Variants in UBE2O observed in about 807,000 individuals in gnomAD.
UBE2O encodes the protein (E3-independent) E2 ubiquitin-conjugating enzyme.
In UBE2O, 15 loss-of-function variants were observed where a neutral mutation model predicts 125.8. That is an observed-to-expected ratio of 0.12 (90% CI 0.08 to 0.18). The LOEUF (loss-of-function observed/expected upper bound fraction) is 0.18, where lower values mean the gene tolerates loss of function less well. Among genes scored for constraint, UBE2O ranks in the 10% least tolerant of loss-of-function variants. The probability of loss-of-function intolerance (pLI) is 1.00; values close to 1 mark genes in which losing one functional copy is unlikely to be tolerated. For synonymous variants in UBE2O, 708 were observed against 703.2 expected (o/e 1.01, Z -0.11); for missense variants, 1,280 against 1,723.6 (o/e 0.74, Z 4.56).
Position 76,443,938 on chromosome 17 carries a change from C to T in UBE2O, c.417+8787G>A, listed in dbSNP as rs755027709. ...GGAAATACCGTTAAGAGGGCATGGT[C>T]GGCCAGGCGCGGTAGCTCATGCCTG... On this transcript the variant is annotated intron_variant, in intron 1 of 17. Transcript: ENST00000319380. Among the ~76,000 whole-genome samples, 6 of 152,086 alleles carry T rather than the reference C, an allele frequency of 3.9e-5. No homozygotes were observed. The South Asian group carries it at 6.2e-4, about 16-fold the overall frequency.
chr17:76,390,660 A>C lies in UBE2O; in HGVS notation c.*283T>G. 3.0e-6 allele frequency: 1 copy of C among 332,164 alleles called. No individual in the cohort carries two copies. The highest frequency in any genetic ancestry group is 5.2e-5 in the South Asian group (1 of 19,162). The allele number at this position is 332,164 out of a possible 1,614,324, so 20.6% of individuals were successfully genotyped here. A position where few individuals can be genotyped will look rare whatever the true frequency, so the allele number is the denominator to read the frequency against. ...ACCTGAGAAGGGGCAGCAAGGGAGC[A>C]AGTGCCGGACATTCTGCTGGGGTGA... On this transcript the variant is annotated 3_prime_UTR_variant, in exon 18 of 18. Transcript: ENST00000319380.
chr17:76,423,417 G>C lies in UBE2O; in HGVS notation c.418-17845C>G, dbSNP rs553857141. 2.0e-5 allele frequency among the ~76,000 whole-genome samples: 3 copies of C among 151,200 alleles called. No individual in the cohort carries two copies. In the South Asian group the frequency reaches 6.3e-4, roughly 32 times the overall value. ...ACAGTAAAAATAAAAATGAGGGCCC[G>C]GCGTGGTGGCTCATGCCTGTAATCC... On this transcript the variant is annotated intron_variant, in intron 1 of 17. Coordinates refer to ENST00000319380, the MANE Select transcript of UBE2O (RefSeq NM_022066.4).
chr17:76,414,122 G>A (rs1194544047), intron 1 of UBE2O, among the ~76,000 whole-genome samples: 1 of 152,206 alleles, frequency 6.6e-6, no homozygotes, highest in African/African-American at 2.4e-5. Flanking sequence ...CAAATGGCCA[G>A]GGGGCCTCAC....
At chr17:76,393,981 AAAAT>A (rs950575941) in intron 15 of UBE2O, among the ~76,000 whole-genome samples, 12 of 152,210 alleles carry the variant, frequency 7.9e-5, no homozygotes, top group African/African-American at 2.9e-4. Flanking sequence ...AACAAAACAA[AAAAT>A]ACTGTTTCCA....
Position 76,402,503 on chromosome 17 carries a change from C to T in UBE2O, c.686+99G>A. On this transcript the variant is annotated intron_variant, in intron 4 of 17. Transcript: ENST00000319380. The surrounding 1 kb of genome is among the most constrained non-coding windows in gnomAD (Gnocchi z 5.4). Reference sequence around the variant, plus strand: ...ACATCTGTCACTGCCCTTGATCAAACCTGTCATCACTGTCCCCAGGAGGAA... The same window carrying T: ...ACATCTGTCACTGCCCTTGATCAAATCTGTCATCACTGTCCCCAGGAGGAA... The T allele has an allele frequency of 9.6e-7, 1 of 1,044,244 alleles. No homozygotes were observed. Among genetic ancestry groups the T allele is most frequent in the Non-Finnish European group, 1.5e-6 (1 of 670,778 alleles). The allele number at this position is 1,044,244 out of a possible 1,614,324, so 64.7% of individuals were successfully genotyped here.
At chr17:76,403,002 C>A (rs1416057151) in intron 3 of UBE2O, among the ~76,000 whole-genome samples, 1 of 152,136 alleles carries the variant, frequency 6.6e-6, no homozygotes, top group Admixed American at 6.5e-5. Context: ...CATGGGACAT[C>A]CATGGACACA....
intron 1 of UBE2O, among the ~76,000 whole-genome samples, chr17:76,409,351 T>C (rs1033228795): frequency 6.6e-6 from 1 of 151,672 alleles, no homozygotes; most frequent in African/African-American, 2.4e-5. Flanking sequence ...ATGCTAACAG[T>C]GTCTCTAAGC....
Position 76,397,713 on chromosome 17 carries a change from G to A in UBE2O, c.2115+86C>T, listed in dbSNP as rs1406763858. On this transcript the variant is annotated intron_variant, in intron 13 of 17. Transcript: ENST00000319380. ...GAGATCTCACCAGGAAGACCTGAGAGCCCATCTTCTGGCTACACGCCTGTG... is the reference window on the plus strand; with the variant it reads ...GAGATCTCACCAGGAAGACCTGAGAACCCATCTTCTGGCTACACGCCTGTG... The A allele has an allele frequency of 5.5e-6, 7 of 1,280,256 alleles. 1 individual carries two copies. Among genetic ancestry groups the A allele is most frequent in the Non-Finnish European group, 5.7e-6 (5 of 880,406 alleles). The allele number at this position is 1,280,256 out of a possible 1,614,324, so 79.3% of individuals were successfully genotyped here. A position where few individuals can be genotyped will look rare whatever the true frequency, so the allele number is the denominator to read the frequency against.
In UBE2O at chr17:76,391,136, G is replaced by A. The variant is rs764961456; in HGVS notation, c.3686C>T (p.Pro1229Leu). The part of the protein sequence containing the change: ...TSETAPDASV[P>L]PSVKPKKRRK... ...CCGCTTCTTTGGTTTCACACTGGGT[G>A]GCACCGATGCGTCTGGTGCGGTCTC... The change falls in exon 18 of 18, where the codon CCA becomes CTA. Residue 1229 changes from proline to leucine, a missense_variant. Pro to Leu is a moderately conservative substitution (Grantham distance 98). Coordinates refer to ENST00000319380, the MANE Select transcript of UBE2O (RefSeq NM_022066.4). This position sits in a 1 kb window ranked among gnomAD's most constrained non-coding sequence, Gnocchi z 8.4. The A allele has an allele frequency of 6.2e-7, 1 of 1,614,060 alleles. No individual in the cohort carries two copies. The highest frequency in any genetic ancestry group is 1.1e-5 in the South Asian group (1 of 91,058).
Position 76,404,331 on chromosome 17 carries a change from G to A in UBE2O, c.588+875C>T, listed in dbSNP as rs1350522548. 6.6e-6 allele frequency among the ~76,000 whole-genome samples: 1 copy of A among 152,222 alleles called. No individual in the cohort carries two copies. Among genetic ancestry groups the A allele is most frequent in the African/African-American group, 2.4e-5 (1 of 41,456 alleles). On this transcript the variant is annotated intron_variant, in intron 3 of 17. Transcript: ENST00000319380. The surrounding 1 kb of genome is among the most constrained non-coding windows in gnomAD (Gnocchi z 4.3). ...ACAACCCCAGCACTTTGGCTATGGG[G>A]TACCATGAACCAGGGCAGAGCTCTG...
intron 13 of UBE2O, among the ~76,000 whole-genome samples, chr17:76,397,212 C>G (rs565298849): frequency 1.7e-4 from 26 of 152,326 alleles, no homozygotes; most frequent in Admixed American, 1.4e-3. Context: ...GAACATATGA[C>G]AAGAGGGGAC....
At chr17:76,403,794 A>T (rs1158097060) in intron 3 of UBE2O, among the ~76,000 whole-genome samples, 1 of 152,180 alleles carries the variant, frequency 6.6e-6, no homozygotes, top group African/African-American at 2.4e-5. Context: ...GATCACAAAA[A>T]GTACAAGATG....
intron 1 of UBE2O, among the ~76,000 whole-genome samples, chr17:76,447,642 A>C (rs1201814495): frequency 6.6e-6 from 1 of 152,210 alleles, no homozygotes; most frequent in South Asian, 2.1e-4. Flanking sequence ...AATTTCTCAC[A>C]AAGTAACAGA....
In UBE2O at chr17:76,410,761, A is replaced by G. The variant is rs2072501630; in HGVS notation, c.418-5189T>C. Reference sequence around the variant, plus strand: ...CTCACCGGGGGCCTCTCCTGCCAGGAGCACTCTCCCTCCACGGCTGCCTGA... The same window carrying G: ...CTCACCGGGGGCCTCTCCTGCCAGGGGCACTCTCCCTCCACGGCTGCCTGA... On this transcript the variant is annotated intron_variant, in intron 1 of 17. Transcript: ENST00000319380. This position sits in a 1 kb window ranked among gnomAD's most constrained non-coding sequence, Gnocchi z 4.0. 7.9e-3 allele frequency among the ~76,000 whole-genome samples: 1 copy of G among 126 alleles called. No individual in the cohort carries two copies. Among genetic ancestry groups the G allele is most frequent in the Non-Finnish European group, 0.019 (1 of 54 alleles). 0.1% of individuals were successfully genotyped at this position (126 alleles called of 152,430 possible).
chr17:76,453,056 G>C lies in UBE2O; in HGVS notation c.86C>G (p.Ala29Gly), dbSNP rs539053296. The C allele has an allele frequency of 4.8e-5, 66 of 1,372,906 alleles. No homozygotes were observed. The African/African-American group carries it at 9.8e-4, about 20-fold the overall frequency. The allele number at this position is 1,372,906 out of a possible 1,614,324, so 85.0% of individuals were successfully genotyped here. A position where few individuals can be genotyped will look rare whatever the true frequency, so the allele number is the denominator to read the frequency against. Residue 29 changes from alanine to glycine, a missense_variant, in exon 1 of 18, where the codon GCC (alanine) becomes GGC (glycine). Transcript: ENST00000319380. The part of the protein sequence containing the change: ...APAPEAVPAP[A>G]AAPVPAPAPA... ...CGCCGGCGCCGGGACGGGGGCTGCG[G>C]CTGGGGCCGGGACTGCCTCCGGGGC...
chr17:76,421,139 G>C (rs575073893), intron 1 of UBE2O, among the ~76,000 whole-genome samples: 1 of 152,232 alleles, frequency 6.6e-6, no homozygotes, highest in Non-Finnish European at 1.5e-5. Context: ...TGCAGACTTC[G>C]CTCCAAAAGG....
intron 15 of UBE2O, among the ~76,000 whole-genome samples, chr17:76,393,028 G>T (rs547306982): frequency 1.2e-3 from 175 of 152,040 alleles, no homozygotes; most frequent in Non-Finnish European, 2.0e-3. Context: ...GGAGGCCAAG[G>T]TGGGAGGACT....
chr17:76,448,003 A>C (rs1174266553), intron 1 of UBE2O, among the ~76,000 whole-genome samples: 1 of 152,164 alleles, frequency 6.6e-6, no homozygotes, highest in African/African-American at 2.4e-5. Context: ...CTCTTATTTC[A>C]TTGCAGAGGG....
chr17:76,442,562 C>T (rs1398690716), intron 1 of UBE2O, among the ~76,000 whole-genome samples: 1 of 152,256 alleles, frequency 6.6e-6, no homozygotes, highest in Non-Finnish European at 1.5e-5. Flanking sequence ...GTCTCTGTTT[C>T]TCAAGGAGCT....
Sources: allele counts gnomAD v4.1 joint callset (sites outside exome capture counted in the v4.1 genomes callset), GRCh38; gene constraint gnomAD v4.1.1; non-coding constraint Gnocchi (gnomAD v3.1); transcripts MANE v1.5; gene names NCBI Gene and HGNC (gene_info 2026-07-23, HGNC 2026-07-21).